Variants in PEX14 observed in about 807,000 individuals in gnomAD.
PEX14 encodes peroxisomal membrane protein PEX14.
Under a neutral mutation model 49.5 loss-of-function variants are expected in PEX14, and 15 were observed. The ratio of observed to expected loss-of-function variants is 0.30; its 90% CI spans 0.20 to 0.47. The LOEUF is 0.47. Ranked by LOEUF, PEX14 falls within the 20% of genes least tolerant of loss-of-function variation. The pLI, the probability that PEX14 is intolerant of heterozygous loss-of-function variation, is 1.00. For synonymous variants in PEX14, 210 were observed against 212.7 expected, an observed-to-expected ratio of 0.99 and a Z score of 0.11; for missense variants, 398 against 494.8, an observed-to-expected ratio of 0.80 and a Z score of 1.86.
chr1:10,487,481 CTTTTTTTTTTT>C (rs33968565), intron 1 of PEX14, among the ~76,000 whole-genome samples: 4 of 86,756 alleles, frequency 4.6e-5, no homozygotes, highest in South Asian at 4.5e-4. Context: ...TTCTTTCTTT[CTTTTTTTTTTT>C]TTTTTTTTTT....
chr1:10,578,312 GACTTTGCTTTGAAATCCCAGAAGGGCT>G (rs1453745672), intron 3 of PEX14, among the ~76,000 whole-genome samples: 2 of 152,104 alleles, frequency 1.3e-5, no homozygotes, highest in Non-Finnish European at 2.9e-5. Flanking sequence ...AAACACCTTG[GACTTTGCTTTGAAATCCCAGAAGGGCT>G]ACCCCTTAGG....
At chr1:10,556,281 G>A (rs1401534382) in intron 3 of PEX14, among the ~76,000 whole-genome samples, 1 of 152,124 alleles carries the variant, frequency 6.6e-6, no homozygotes, top group Non-Finnish European at 1.5e-5. Flanking sequence ...GCTGCTCCAT[G>A]TCTCCCTATA....
chr1:10,555,560 G>A (rs1192032264), intron 3 of PEX14, among the ~76,000 whole-genome samples: 1 of 152,112 alleles, frequency 6.6e-6, no homozygotes, highest in African/African-American at 2.4e-5. Flanking sequence ...CTCTGTGTTT[G>A]AAATTAGAGC....
chr1:10,617,210 T>G (rs1030894012), intron 4 of PEX14: 1 of 152,184 alleles, frequency 6.6e-6, no homozygotes, highest in Non-Finnish European at 1.5e-5. Flanking sequence ...CAATGTGTTC[T>G]CCTGAGACAT....
Position 10,597,884 on chromosome 1 carries a change from T to C in PEX14, c.170-1354T>C, listed in dbSNP as rs1300123870. On this transcript the variant is annotated intron_variant, in intron 3 of 8. Transcript: ENST00000356607. This position sits in a 1 kb window ranked among gnomAD's most constrained non-coding sequence, Gnocchi z 5.7. ...TAGCTGTGGTAGGGCATGAAAAGTT[T>C]GAGGGGTGGCTGCAGTCAACTCATA... 6.6e-6 allele frequency among the ~76,000 whole-genome samples: 1 copy of C among 152,178 alleles called. No homozygotes were observed. Among genetic ancestry groups the C allele is most frequent in the African/African-American group, 2.4e-5 (1 of 41,450 alleles).
intron 2 of PEX14, among the ~76,000 whole-genome samples, chr1:10,508,852 T>C (rs1395405972): frequency 1.3e-5 from 2 of 152,214 alleles, no homozygotes; most frequent in African/African-American, 2.4e-5. Context: ...CAGGCTTTCA[T>C]CTGAAGATCC....
intron 1 of PEX14, 29 bp downstream of exon 1, chr1:10,475,031 C>T (rs771235739): frequency 1.9e-6 from 3 of 1,596,314 alleles, no homozygotes; most frequent in Admixed American, 3.4e-5. Context: ...CCCCGCTGTG[C>T]GGCGGAGACC....
intron 3 of PEX14, among the ~76,000 whole-genome samples, chr1:10,582,655 C>T (rs962010488): frequency 1.3e-5 from 2 of 152,132 alleles, no homozygotes; most frequent in East Asian, 3.9e-4. Flanking sequence ...GAGTATAAGG[C>T]ATATCAGGGG....
Position 10,629,590 on chromosome 1 carries a change from A to G in PEX14, c.737A>G (p.Lys246Arg), listed in dbSNP as rs1481610330. 1.2e-6 allele frequency: 2 copies of G among 1,613,944 alleles called. No homozygotes were observed. Among genetic ancestry groups the G allele is most frequent in the African/African-American group, 1.3e-5 (1 of 75,018 alleles). Residue 246 changes from lysine (K) to arginine (R), a missense_variant, in exon 9 of 9, where the codon AAG becomes AGG. Lys to Arg is a conservative substitution (Grantham distance 26, BLOSUM62 2). Around this residue, in one of 3 missense-constraint regions of PEX14, gnomAD observed 202 missense variants for 298.5 expected, o/e 0.68. Transcript: ENST00000356607. This position sits in a 1 kb window ranked among gnomAD's most constrained non-coding sequence, Gnocchi z 8.5. ...PKIPSWQIPV[K>R]SPSPSSPAAV... The stretch of plus-strand genomic sequence containing the variant: ...ATCCCCTCCTGGCAGATCCCAGTCA[A>G]GTCACCGTCACCCTCCAGCCCTGCG...
At position 10,610,900 on chromosome 1, in the gene PEX14, TTCTTCC is replaced by T. The variant is rs1641262004; in HGVS notation, c.299-7424_299-7419del. ...CTTCATCCTCTCTTCTTTCTCCTCC[TTCTTCC>T]TCTTCCTGTTCTTCTTCTCCCTTTC... On this transcript the variant is annotated intron_variant, in intron 4 of 8. Coordinates refer to ENST00000356607, the MANE Select transcript of PEX14 (RefSeq NM_004565.3). 2.6e-5 allele frequency among the ~76,000 whole-genome samples: 4 copies of T among 152,202 alleles called. No individual in the cohort carries two copies. In the South Asian group the frequency reaches 8.3e-4, roughly 32 times the overall value.
chr1:10,536,502 T>TA (rs1426578081), intron 3 of PEX14: 1 of 592,074 alleles, frequency 1.7e-6, no homozygotes, highest in Admixed American at 2.8e-5. Context: ...ACGATTCGGG[T>TA]AATTAAGCAC....
rs544043628 is a variant in PEX14, at chr1:10,511,185, A to T, written c.84+15864A>T. 7.9e-5 allele frequency among the ~76,000 whole-genome samples: 12 copies of T among 152,364 alleles called. No individual in the cohort carries two copies. In the South Asian group the frequency reaches 8.3e-4, roughly 11 times the overall value. On this transcript the variant is annotated intron_variant, in intron 2 of 8. Transcript: ENST00000356607. ...TGTTTTATTGCAACTGTCATTTCAT[A>T]AAATGCCCTGACAGCTTTAAACTGT...
At chr1:10,531,703 C>A (rs1272669863) in intron 2 of PEX14, among the ~76,000 whole-genome samples, 1 of 152,096 alleles carries the variant, frequency 6.6e-6, no homozygotes, top group Non-Finnish European at 1.5e-5. Context: ...AATGAATGCT[C>A]ACATCTTAGG....
intron 1 of PEX14, among the ~76,000 whole-genome samples, chr1:10,482,905 A>G (rs947486040): frequency 2.0e-5 from 3 of 152,142 alleles, no homozygotes; most frequent in Non-Finnish European, 4.4e-5. Flanking sequence ...GAGAGTCTGG[A>G]CTACTTGTTT....
intron 4 of PEX14, among the ~76,000 whole-genome samples, chr1:10,603,232 G>A (rs945488508): frequency 3.3e-5 from 5 of 152,094 alleles, no homozygotes; most frequent in African/African-American, 1.2e-4. Context: ...TCTACTATAC[G>A]GTCAGTACTA....
chr1:10,538,974 C>A (rs750613102), intron 3 of PEX14, among the ~76,000 whole-genome samples: 3 of 152,170 alleles, frequency 2.0e-5, no homozygotes, highest in Non-Finnish European at 4.4e-5. Flanking sequence ...TAATAAACAT[C>A]TCTTTCCTGA....
chr1:10,515,682 A>C (rs1312530462), intron 2 of PEX14, among the ~76,000 whole-genome samples: 1 of 152,214 alleles, frequency 6.6e-6, no homozygotes, highest in Non-Finnish European at 1.5e-5. Context: ...ATAAACTTTG[A>C]GAATGTCTTG....
chr1:10,561,474 A>G (rs1000904762), intron 3 of PEX14, among the ~76,000 whole-genome samples: 1 of 152,336 alleles, frequency 6.6e-6, no homozygotes, highest in Non-Finnish European at 1.5e-5. Context: ...TAAGATTAAG[A>G]TTAAACATTT....
At chr1:10,537,935 T>TC (rs35357504) in intron 3 of PEX14, among the ~76,000 whole-genome samples, 1 of 151,132 alleles carries the variant, frequency 6.6e-6, no homozygotes, top group Non-Finnish European at 1.5e-5. Context: ...GAGAGAAAAC[T>TC]TTTTGTGCAA....
Sources: gnomAD v4.1 joint callset for allele counts (sites outside exome capture counted in the v4.1 genomes callset) on GRCh38, gnomAD v4.1.1 for gene constraint, gnomAD v4.1.1 regional missense constraint, Gnocchi (gnomAD v3.1) non-coding constraint, MANE v1.5 for transcripts, NCBI Gene and HGNC (gene_info 2026-07-23, HGNC 2026-07-21) for gene names.